Variants in CCDC7 observed in about 807,000 individuals in gnomAD.
The protein encoded by CCDC7 is coiled-coil domain containing 7.
CCDC7 carries 183 observed loss-of-function variants against 196.9 expected under a neutral mutation model. That is an observed-to-expected ratio of 0.93 (90% CI 0.82 to 1.05). The LOEUF is 1.05. Among genes scored for constraint, CCDC7 ranks in the 50% least tolerant of loss-of-function variants. The pLI is 0.00. For missense variants in CCDC7, 1,540 were observed against 1,482.2 expected (o/e 1.04, Z -0.64); for synonymous variants, 525 against 484.6 (o/e 1.08, Z -1.10).
At chr10:32,708,711 C>G (rs1446043611) in intron 24 of CCDC7, among the ~76,000 whole-genome samples, 1 of 152,138 alleles carries the variant, frequency 6.6e-6, no homozygotes, top group Non-Finnish European at 1.5e-5. Flanking sequence ...CCAAAAAACA[C>G]ATGAAAAAAT....
chr10:32,873,657 T>C (rs1190697821), intron 41 of CCDC7, among the ~76,000 whole-genome samples: 1 of 151,990 alleles, frequency 6.6e-6, no homozygotes, highest in Admixed American at 6.6e-5. Flanking sequence ...GTTTTCACTT[T>C]TAGACTATTT....
At chr10:32,589,962 G>A (rs1182554463) in intron 18 of CCDC7, among the ~76,000 whole-genome samples, 2 of 151,908 alleles carry the variant, frequency 1.3e-5, no homozygotes, top group Non-Finnish European at 2.9e-5. Context: ...GGTGAAGTGT[G>A]TTTATTATAC....
At chr10:32,569,879 G>A (rs1426156947) in intron 15 of CCDC7, among the ~76,000 whole-genome samples, 1 of 152,046 alleles carries the variant, frequency 6.6e-6, no homozygotes, top group East Asian at 1.9e-4. Flanking sequence ...GATTTTCCTT[G>A]TATATTTTTG....
At chr10:32,527,323 C>T (rs1365969328) in intron 11 of CCDC7, among the ~76,000 whole-genome samples, 1 of 152,228 alleles carries the variant, frequency 6.6e-6, no homozygotes, top group Non-Finnish European at 1.5e-5. Context: ...AATACTGTCT[C>T]TTCTGCCCTC....
rs4016795 is a variant in CCDC7 at position 32,508,932 on chromosome 10, A to ATTTTTTTTTTTTTTTTTTTTT, written c.873-8993_873-8992insTTTTTTTTTTTTTTTTTTTTT. On this transcript the variant is annotated intron_variant, in intron 9 of 41. Coordinates refer to ENST00000639629, the Ensembl canonical transcript of CCDC7. ...ACAGGCATGAGCCACTGTGCCTGGC[A>ATTTTTTTTTTTTTTTTTTTTT]TTTTTTTTTTTTTTTTTTTTGAAAT... Among the ~76,000 whole-genome samples the ATTTTTTTTTTTTTTTTTTTTT allele has an allele frequency of 1.7e-5, 2 of 117,106 alleles. 1 individual carries two copies. The allele number at this position is 117,106 out of a possible 152,430, so 76.8% of individuals were successfully genotyped here. A position where few individuals can be genotyped will look rare whatever the true frequency, so the allele number is the denominator to read the frequency against.
intron 11 of CCDC7, among the ~76,000 whole-genome samples, chr10:32,535,636 C>T (rs2050351327): frequency 6.6e-6 from 1 of 152,032 alleles, no homozygotes; most frequent in African/African-American, 2.4e-5. Context: ...GGCTTGGAGA[C>T]CAAGGTTCTT....
intron 20 of CCDC7, among the ~76,000 whole-genome samples, chr10:32,653,154 A>AT (rs986131075): frequency 3.1e-4 from 47 of 152,180 alleles, no homozygotes; most frequent in African/African-American, 1.1e-3. Flanking sequence ...AATTATTATT[A>AT]TTTTTTATAT....
At chr10:32,854,582 C>G (rs1283595273) in intron 41 of CCDC7, 93 bp downstream of exon 42, 2 of 787,782 alleles carry the variant, frequency 2.5e-6, no homozygotes, top group African/African-American at 3.6e-5. Flanking sequence ...TCTGGGCTTC[C>G]TTCTTCAAAC....
At position 32,567,797 on chromosome 10, in the gene CCDC7, C is replaced by G. The variant is rs1039253656; in HGVS notation, c.1325C>G (p.Ser442Ter). ...CAAACAAAAGTTAAAGGTGAAGATT[C>G]AAAAAATATACCATTGGAGAAAGAA... The change falls in exon 15 of 42, where the codon TCA (serine) becomes TGA (stop). Residue 442 changes from serine to a stop codon, truncating the protein, a stop_gained. Coordinates refer to ENST00000639629, the Ensembl canonical transcript of CCDC7. LOFTEE classifies it high-confidence loss of function. 1.2e-6 allele frequency: 2 copies of G among 1,613,264 alleles called. No individual in the cohort carries two copies. Among genetic ancestry groups the G allele is most frequent in the Non-Finnish European group, 1.7e-6 (2 of 1,179,720 alleles).
intron 8 of CCDC7, among the ~76,000 whole-genome samples, chr10:32,483,528 T>C (rs1259946560): frequency 6.6e-6 from 1 of 152,244 alleles, no homozygotes. Context: ...TTTTGGCTTT[T>C]GTTGCCATTG....
chr10:32,872,248 T>C (rs1313318411), intron 41 of CCDC7, among the ~76,000 whole-genome samples: 1 of 152,164 alleles, frequency 6.6e-6, no homozygotes, highest in Non-Finnish European at 1.5e-5. Context: ...TCTAAGTCTC[T>C]TTTTAGGTCT....
chr10:32,722,585 T>C (rs1225587252), intron 25 of CCDC7, among the ~76,000 whole-genome samples: 1 of 152,116 alleles, frequency 6.6e-6, no homozygotes, highest in East Asian at 1.9e-4. Context: ...CTGCCTTCAA[T>C]TTCACATGGC....
chr10:32,845,582 G>A lies in CCDC7; in HGVS notation c.3476G>A (p.Gly1159Asp), dbSNP rs1164553616. The change falls in exon 35 of 42, where the codon GGT becomes GAT. Residue 1159 changes from glycine (G) to aspartate (D), a missense_variant. Transcript: ENST00000639629. ...TTCTTTGCCTATGCTACTGGAAGAG[G>A]TCTAATGAAGGAGTCAACCACGACA... The A allele has an allele frequency of 2.5e-6, 4 of 1,612,588 alleles. No homozygotes were observed. In the African/African-American group the frequency reaches 4.0e-5, roughly 16 times the overall value.
intron 16 of CCDC7, among the ~76,000 whole-genome samples, chr10:32,580,251 T>C (rs900181005): frequency 6.6e-6 from 1 of 152,192 alleles, no homozygotes; most frequent in African/African-American, 2.4e-5. Context: ...TAGGCAACAT[T>C]GTCAGCATAA....
chr10:32,536,546 G>T (rs547351165), intron 11 of CCDC7, among the ~76,000 whole-genome samples: 1 of 152,284 alleles, frequency 6.6e-6, no homozygotes, highest in South Asian at 2.1e-4. Context: ...GGGTACATGA[G>T]CAGGTTTGTT....
chr10:32,881,999 A>T (rs990376394), downstream of CCDC7, among the ~76,000 whole-genome samples: 2 of 152,184 alleles, frequency 1.3e-5, no homozygotes, highest in Non-Finnish European at 2.9e-5. Flanking sequence ...ATTGGACTCT[A>T]CAGACAATGA....
intron 33 of CCDC7, among the ~76,000 whole-genome samples, chr10:32,845,009 C>G (rs1486067818): frequency 6.6e-6 from 1 of 151,606 alleles, no homozygotes; most frequent in African/African-American, 2.4e-5. Context: ...AATTAAAACA[C>G]AATTTAAATG....
At chr10:32,873,536 G>A (rs938021168) in intron 41 of CCDC7, among the ~76,000 whole-genome samples, 2 of 151,656 alleles carry the variant, frequency 1.3e-5, no homozygotes, top group Admixed American at 1.3e-4. Flanking sequence ...CTCTCAACTC[G>A]TCAAAGTCAT....
In CCDC7 at chr10:32,569,342, A is replaced by G. The variant is rs559086992; in HGVS notation, c.1419+1451A>G. ...AATTTAACTGTAACCTTCTTTCTCAATCACTGTATTAAAACTATTTTTGCT... is the reference window on the plus strand; with the variant it reads ...AATTTAACTGTAACCTTCTTTCTCAGTCACTGTATTAAAACTATTTTTGCT... On this transcript the variant is annotated intron_variant, in intron 15 of 41. Coordinates refer to ENST00000639629, the Ensembl canonical transcript of CCDC7. Among the ~76,000 whole-genome samples the G allele has an allele frequency of 1.5e-3, 223 of 152,296 alleles. 1 individual carries two copies. The highest frequency in any genetic ancestry group is 5.1e-3 in the African/African-American group (212 of 41,568).
Sources: gnomAD v4.1 joint callset for allele counts (sites outside exome capture counted in the v4.1 genomes callset) on GRCh38, gnomAD v4.1.1 for gene constraint, MANE v1.5 for transcripts, NCBI Gene and HGNC (gene_info 2026-07-23, HGNC 2026-07-21) for gene names.